Variants in TIAM1 observed in about 807,000 individuals in gnomAD.
The protein encoded by TIAM1 is rho guanine nucleotide exchange factor TIAM1.
In TIAM1, 65 loss-of-function variants were observed where a neutral mutation model predicts 163.5. The ratio of observed to expected loss-of-function variants is 0.40; its 90% CI spans 0.33 to 0.49. The LOEUF is 0.49. TIAM1 is among the 20% of genes least tolerant of loss of function. TIAM1 has a pLI of 0.77. For synonymous variants in TIAM1, 833 were observed against 810.1 expected (o/e 1.03, Z -0.48); for missense variants, 1,789 against 2,044.7 (o/e 0.87, Z 2.41).
intron 16 of TIAM1, chr21:31,160,794 G>A (rs1335103420): frequency 1.9e-5 from 6 of 320,240 alleles, no homozygotes; most frequent in Non-Finnish European, 3.4e-5. Context: ...GCTAAACTGT[G>A]GACCAGAACT....
At chr21:31,525,101 T>C (rs1360904048) in intron 1 of TIAM1, among the ~76,000 whole-genome samples, 1 of 151,978 alleles carries the variant, frequency 6.6e-6, no homozygotes, top group Non-Finnish European at 1.5e-5. Flanking sequence ...GATCTGAGGC[T>C]GGGCGCGGTG....
At chr21:31,153,256 G>T in intron 17 of TIAM1, 122 bp from the exon 18 acceptor site, 1 of 761,754 alleles carries the variant, frequency 1.3e-6, no homozygotes, top group Non-Finnish European at 1.9e-6. Context: ...AACAGATCCT[G>T]TCCCGAAGGC....
In TIAM1 at chr21:31,473,426, T is replaced by A. The variant is rs530324854; in HGVS notation, c.-421-9391A>T. On this transcript the variant is annotated intron_variant, in intron 1 of 28. Coordinates refer to the TIAM1 transcript ENST00000286827. The stretch of plus-strand genomic sequence containing the variant: ...GGCTGGGGGACAGATCAAGACTCCA[T>A]CTCAAAAAAAAAAAAAAAAAAAAAA... Among the ~76,000 whole-genome samples, 6 of 56,090 alleles carry A rather than the reference T, an allele frequency of 1.1e-4. No individual in the cohort carries two copies. The South Asian group carries it at 5.6e-3, about 52-fold the overall frequency. The allele number at this position is 56,090 out of a possible 152,430, so 36.8% of individuals were successfully genotyped here. A position where few individuals can be genotyped will look rare whatever the true frequency, so the allele number is the denominator to read the frequency against.
chr21:31,333,119 C>T (rs1054286203), intron 2 of TIAM1, among the ~76,000 whole-genome samples: 1 of 152,108 alleles, frequency 6.6e-6, no homozygotes, highest in Admixed American at 6.5e-5. Flanking sequence ...ATTGTAGATG[C>T]ACTGTTCACT....
chr21:31,528,843 C>T (rs1460337249), intron 1 of TIAM1, among the ~76,000 whole-genome samples: 5 of 150,382 alleles, frequency 3.3e-5, no homozygotes, highest in South Asian at 2.1e-4. Context: ...AAAAAAAACT[C>T]TCAAGATTAA....
intron 2 of TIAM1, among the ~76,000 whole-genome samples, chr21:31,440,772 T>C (rs934895239): frequency 2.0e-5 from 3 of 152,014 alleles, no homozygotes; most frequent in Non-Finnish European, 4.4e-5. Flanking sequence ...TCCCAGCTAC[T>C]GGGGAGGCTG....
intron 1 of TIAM1, among the ~76,000 whole-genome samples, chr21:31,490,008 T>A (rs188216984): frequency 6.6e-6 from 1 of 152,344 alleles, no homozygotes; most frequent in Non-Finnish European, 1.5e-5. Context: ...AGGAAAAGAA[T>A]TCTAGCGTTC....
intron 2 of TIAM1, among the ~76,000 whole-genome samples, chr21:31,320,023 A>G (rs892400262): frequency 1.3e-5 from 2 of 152,176 alleles, no homozygotes; most frequent in Middle Eastern, 3.2e-3. Flanking sequence ...TATTCACAAT[A>G]GCCAAAAAAC....
chr21:31,297,306 G>A (rs192439784), intron 2 of TIAM1, among the ~76,000 whole-genome samples: 16 of 152,336 alleles, frequency 1.1e-4, no homozygotes, highest in Admixed American at 3.9e-4. Context: ...AAGGTGGATG[G>A]CAAGCTGTTG....
chr21:31,205,192 C>A (rs951726907), intron 11 of TIAM1, among the ~76,000 whole-genome samples: 2 of 152,168 alleles, frequency 1.3e-5, no homozygotes, highest in African/African-American at 4.8e-5. Context: ...TAAGAGAGAT[C>A]GAAGCTGCAA....
At chr21:31,187,916 T>C (rs1036290749) in intron 13 of TIAM1, among the ~76,000 whole-genome samples, 1 of 152,154 alleles carries the variant, frequency 6.6e-6, no homozygotes, top group African/African-American at 2.4e-5. Context: ...GAAATACCTT[T>C]GCAGATATTT....
At chr21:31,550,663 A>G (rs1387381537) in intron 1 of TIAM1, among the ~76,000 whole-genome samples, 1 of 152,232 alleles carries the variant, frequency 6.6e-6, no homozygotes, top group Non-Finnish European at 1.5e-5. Context: ...AAAAATAAAA[A>G]CAATCTATAG....
At chr21:31,146,715 A>AAAAAAAAAATG (rs1568916183) in intron 20 of TIAM1, among the ~76,000 whole-genome samples, 180 bp downstream of exon 20, 1 of 151,502 alleles carries the variant, frequency 6.6e-6, no homozygotes, top group Admixed American at 6.6e-5. Flanking sequence ...TGTCTCAAAA[A>AAAAAAAAAATG]AAAAAAAAAT....
At chr21:31,193,515 A>C (rs979488043) in intron 13 of TIAM1, among the ~76,000 whole-genome samples, 3 of 152,128 alleles carry the variant, frequency 2.0e-5, no homozygotes, top group Non-Finnish European at 2.9e-5. Flanking sequence ...TCCTCATTCT[A>C]CGTGACTCCA....
intron 22 of TIAM1, among the ~76,000 whole-genome samples, chr21:31,137,557 G>A (rs1259112943): frequency 2.6e-5 from 4 of 151,836 alleles, no homozygotes; most frequent in South Asian, 2.1e-4. Context: ...CTGGGAGTAC[G>A]TCTTTAAAAG....
intron 2 of TIAM1, among the ~76,000 whole-genome samples, chr21:31,429,746 G>A (rs954820659): frequency 6.6e-6 from 1 of 152,180 alleles, no homozygotes; most frequent in Non-Finnish European, 1.5e-5. Flanking sequence ...CCAGGGCGTG[G>A]AGTCTTCTGT....
chr21:31,552,378 A>G (rs903637764), intron 1 of TIAM1, among the ~76,000 whole-genome samples: 7 of 152,204 alleles, frequency 4.6e-5, no homozygotes, highest in African/African-American at 1.7e-4. Context: ...ACTGAGTAAA[A>G]TTGTGAATTA....
intron 1 of TIAM1, among the ~76,000 whole-genome samples, chr21:31,484,452 C>A (rs1457624722): frequency 6.6e-6 from 1 of 152,200 alleles, no homozygotes; most frequent in African/African-American, 2.4e-5. Flanking sequence ...CCTCCAAACC[C>A]AGCTTGCCTC....
rs777256501 is a variant in TIAM1, at chr21:31,298,767, T to TGTGTGTGTGTGA, written c.-188-21860_-188-21859insTCACACACACAC. ...GTGTGTGTGTGTGTGTGTGTGTGTGTGAGAAACAGAGAGAGAGAGAAAAAA... is the reference window on the plus strand; with the variant it reads ...GTGTGTGTGTGTGTGTGTGTGTGTGTGTGTGTGTGTGAGAGAAACAGAGAGAGAGAGAAAAAA... On this transcript the variant is annotated intron_variant, in intron 2 of 27. Coordinates refer to ENST00000541036, the MANE Select transcript of TIAM1 (RefSeq NM_001353694.2). Among the ~76,000 whole-genome samples, 8 of 125,954 alleles carry TGTGTGTGTGTGA rather than the reference T, an allele frequency of 6.4e-5. No homozygotes were observed. The East Asian group carries it at 1.7e-3, about 27-fold the overall frequency. 82.6% of individuals were successfully genotyped at this position (125,954 alleles called of 152,430 possible).
Sources: allele counts gnomAD v4.1 joint callset (sites outside exome capture counted in the v4.1 genomes callset), GRCh38; gene constraint gnomAD v4.1.1; transcripts MANE v1.5; gene names NCBI Gene and HGNC (gene_info 2026-07-23, HGNC 2026-07-21).